DCAF1: variants seen among roughly 807,000 people sequenced by gnomAD.
DCAF1 encodes the protein DDB1 and CUL4 associated factor 1, also known as DDB1- and CUL4-associated factor 1.
Under a neutral mutation model 128.0 loss-of-function variants are expected in DCAF1, and 15 were observed. The ratio of observed to expected loss-of-function variants is 0.12; its 90% confidence interval spans 0.08 to 0.18. The LOEUF (loss-of-function observed/expected upper bound fraction) is 0.18, where lower values mean the gene tolerates loss of function less well. Among genes scored for constraint, DCAF1 ranks in the 10% least tolerant of loss-of-function variants. The pLI is 1.00. For missense variants in DCAF1, 988 were observed against 1,649.5 expected, an observed-to-expected ratio of 0.60 and a Z score of 6.95; for synonymous variants, 610 against 603.0, an observed-to-expected ratio of 1.01 and a Z score of -0.17.
intron 24 of DCAF1, among the ~76,000 whole-genome samples, chr3:51,401,692 G>A (rs1330483070): frequency 6.6e-6 from 1 of 152,218 alleles, no homozygotes; most frequent in African/African-American, 2.4e-5. Flanking sequence ...ATTAAGAATG[G>A]AAAAATTAAA....
intron 2 of DCAF1, among the ~76,000 whole-genome samples, chr3:51,492,447 C>T (rs185288438): frequency 5.9e-4 from 90 of 151,390 alleles, no homozygotes; most frequent in African/African-American, 1.9e-3. Context: ...TCGGAGGGGA[C>T]GGAGGTTGCA....
At chr3:51,476,945 G>C (rs905989455) in intron 3 of DCAF1, among the ~76,000 whole-genome samples, 1 of 151,374 alleles carries the variant, frequency 6.6e-6, no homozygotes, top group Non-Finnish European at 1.5e-5. Context: ...AATTAGCCGG[G>C]CTTGGTGGTG....
intron 6 of DCAF1, among the ~76,000 whole-genome samples, chr3:51,451,184 G>A (rs141755792): frequency 4.2e-4 from 56 of 133,034 alleles, no homozygotes; most frequent in Non-Finnish European, 6.6e-4. Context: ...GAACTCCTGC[G>A]CTGAAGCAAT....
Position 51,398,348 on chromosome 3 carries a change from A to C in DCAF1, c.*421T>G, listed in dbSNP as rs2089363101. The C allele has an allele frequency of 6.4e-6, 1 of 156,162 alleles. No homozygotes were observed. The highest frequency in any genetic ancestry group is 2.4e-5 in the African/African-American group (1 of 41,506). The allele number at this position is 156,162 out of a possible 1,614,324, so 9.7% of individuals were successfully genotyped here. ...AGTGCAGGGACAAGAGACCTGGTGG[A>C]TATAAGTTCATACCCTCAGTTATAA... On this transcript the variant is annotated 3_prime_UTR_variant, in exon 25 of 25. Coordinates refer to ENST00000684031, the MANE Select transcript of DCAF1 (RefSeq NM_001387579.1).
chr3:51,496,406 A>G (rs1317147182), intron 2 of DCAF1, among the ~76,000 whole-genome samples: 3 of 152,112 alleles, frequency 2.0e-5, no homozygotes, highest in Admixed American at 2.0e-4. Context: ...CAGCTTGCAC[A>G]ACAAGAGCAA....
At chr3:51,482,601 C>T (rs1706345364) in intron 3 of DCAF1, among the ~76,000 whole-genome samples, 1 of 28,218 alleles carries the variant, frequency 3.5e-5, no homozygotes, top group Non-Finnish European at 6.0e-5. Context: ...CCCGTCTCTA[C>T]TAAAAATACA....
intron 3 of DCAF1, among the ~76,000 whole-genome samples, chr3:51,473,425 CTTTT>C (rs782196520): frequency 5.4e-5 from 4 of 74,182 alleles, no homozygotes; most frequent in African/African-American, 2.1e-4. Context: ...ACTTTCTAGT[CTTTT>C]TTTTTTTTTT....
intron 6 of DCAF1, among the ~76,000 whole-genome samples, chr3:51,450,836 A>G (rs980295037): frequency 6.6e-6 from 1 of 152,110 alleles, no homozygotes; most frequent in African/African-American, 2.4e-5. Flanking sequence ...TTCTAGTGAG[A>G]GTAATTAGAC....
At chr3:51,444,820 C>T (rs1435797233) in intron 6 of DCAF1, among the ~76,000 whole-genome samples, 2 of 151,870 alleles carry the variant, frequency 1.3e-5, no homozygotes, top group Non-Finnish European at 1.5e-5. Flanking sequence ...GGACTACAGG[C>T]ACCCGCCACC....
chr3:51,422,119 G>C (rs1232801761), intron 14 of DCAF1, among the ~76,000 whole-genome samples, 188 bp downstream of exon 14: 2 of 150,924 alleles, frequency 1.3e-5, no homozygotes, highest in Non-Finnish European at 3.0e-5. Flanking sequence ...TTTGTTTTTT[G>C]GTTTTTTTTT....
chr3:51,494,114 C>CTTT (rs1285822599), intron 2 of DCAF1, among the ~76,000 whole-genome samples: 4 of 137,678 alleles, frequency 2.9e-5, no homozygotes, highest in South Asian at 2.3e-4. Flanking sequence ...ATGAGGTTTC[C>CTTT]TTTTTTTTTT....
intron 6 of DCAF1, among the ~76,000 whole-genome samples, chr3:51,444,746 G>A (rs559007568): frequency 1.3e-5 from 2 of 152,112 alleles, no homozygotes; most frequent in African/African-American, 2.4e-5. Flanking sequence ...CACAATCTCG[G>A]CTCACTACAA....
intron 20 of DCAF1, 29 bp downstream of exon 20, chr3:51,413,921 A>G: frequency 6.8e-7 from 1 of 1,462,598 alleles, no homozygotes; most frequent in Non-Finnish European, 9.1e-7. Flanking sequence ...GCAAAAGGAA[A>G]GAGAATAATG....
rs782495802 is a variant in DCAF1 at position 51,413,041 on chromosome 3, G to A, written c.4062C>T (p.Ile1354=). 1 of 1,614,008 alleles carries A rather than the reference G, an allele frequency of 6.2e-7. No individual in the cohort carries two copies. Residue 1354 remains isoleucine (I), a synonymous_variant, in exon 22 of 25, where the codon ATC becomes ATT. Transcript: ENST00000684031. ...PIATIDVKRN[I]FDLCTDTKDC... ...CTTTGGTGTCTGTACACAGGTCAAA[G>A]ATGTTCCGTTTCACATCAATGGTTG...
chr3:51,398,327 C>T lies in DCAF1; in HGVS notation c.*442G>A. Reference sequence around the variant, plus strand: ...ATTTTCTTCCAAAGAAAATGAAGTGCAGGGACAAGAGACCTGGTGGATATA... The same window carrying T: ...ATTTTCTTCCAAAGAAAATGAAGTGTAGGGACAAGAGACCTGGTGGATATA... On this transcript the variant is annotated 3_prime_UTR_variant, in exon 25 of 25. Coordinates refer to ENST00000684031, the MANE Select transcript of DCAF1 (RefSeq NM_001387579.1). 6.5e-6 allele frequency: 1 copy of T among 153,662 alleles called. No individual in the cohort carries two copies. Among genetic ancestry groups the T allele is most frequent in the Non-Finnish European group, 1.4e-5 (1 of 69,194 alleles). The allele number at this position is 153,662 out of a possible 1,614,324, so 9.5% of individuals were successfully genotyped here.
At chr3:51,495,423 G>A (rs1238462858) in intron 2 of DCAF1, among the ~76,000 whole-genome samples, 1 of 151,958 alleles carries the variant, frequency 6.6e-6, no homozygotes, top group African/African-American at 2.4e-5. Flanking sequence ...TGAGGTAGGA[G>A]GATCACTTGA....
At chr3:51,410,561 G>A (rs1456195790) in intron 23 of DCAF1, among the ~76,000 whole-genome samples, 5 of 150,072 alleles carry the variant, frequency 3.3e-5, no homozygotes, top group Non-Finnish European at 7.4e-5. Context: ...TCCCATTAGA[G>A]AAAAACATGG....
intron 3 of DCAF1, among the ~76,000 whole-genome samples, chr3:51,480,317 C>A (rs1553652326): frequency 1.3e-5 from 2 of 151,814 alleles, no homozygotes; most frequent in African/African-American, 4.8e-5. Context: ...GTTAATCCAG[C>A]CGGGCAGGGT....
chr3:51,487,966 G>A (rs1431371978), intron 2 of DCAF1, among the ~76,000 whole-genome samples: 2 of 152,054 alleles, frequency 1.3e-5, no homozygotes, highest in Non-Finnish European at 2.9e-5. Flanking sequence ...CTGGGTTCAA[G>A]CGATTCTCCT....
Sources: allele counts gnomAD v4.1 joint callset (sites outside exome capture counted in the v4.1 genomes callset), GRCh38; gene constraint gnomAD v4.1.1; transcripts MANE v1.5; gene names NCBI Gene and HGNC (gene_info 2026-07-23, HGNC 2026-07-21).